SMG6: variants seen among roughly 807,000 people sequenced by gnomAD.
SMG6 encodes telomerase-binding protein EST1A.
Under a neutral mutation model 142.2 loss-of-function variants are expected in SMG6, and 66 were observed. That is an observed-to-expected ratio of 0.46 (90% CI 0.38 to 0.57). SMG6 has a LOEUF of 0.57. Ranked by LOEUF, SMG6 falls within the 20% of genes least tolerant of loss-of-function variation. The pLI is 0.00. For synonymous variants in SMG6, 779 were observed against 702.4 expected (o/e 1.11, Z -1.72); for missense variants, 1,793 against 1,832.0 (o/e 0.98, Z 0.39).
chr17:2,141,332 A>G (rs1018496089), intron 13 of SMG6, among the ~76,000 whole-genome samples: 5 of 152,254 alleles, frequency 3.3e-5, no homozygotes, highest in South Asian at 2.1e-4. Context: ...AATTTCAAGT[A>G]TAACTAAGGT....
chr17:2,297,289 T>C lies in SMG6; in HGVS notation c.2105A>G (p.Asp702Gly). ...GCGAATGGCAAGACCATCCATGTAG[T>C]CTTCCAGTTTGAACTTGTAAGTAAC... ...LQVTYKFKLE[D>G]YMDGLAIRSK... The change falls in exon 4 of 19, where the codon GAC becomes GGC. Residue 702 changes from aspartate to glycine, a missense_variant. This residue lies in a region of SMG6 where 1,597 missense variants were observed against 1,584.6 expected (regional missense o/e 1.01). Transcript: ENST00000263073. The C allele has an allele frequency of 6.2e-7, 1 of 1,613,738 alleles. No homozygotes were observed. Among genetic ancestry groups the C allele is most frequent in the Non-Finnish European group, 8.5e-7 (1 of 1,179,812 alleles).
At chr17:2,227,970 T>G (rs1437729556) in intron 10 of SMG6, among the ~76,000 whole-genome samples, 1 of 152,114 alleles carries the variant, frequency 6.6e-6, no homozygotes, top group Non-Finnish European at 1.5e-5. Flanking sequence ...CTCGCAAACA[T>G]ATGGAATAAA....
At chr17:2,117,073 G>C (rs573944993) in intron 13 of SMG6, among the ~76,000 whole-genome samples, 2 of 151,078 alleles carry the variant, frequency 1.3e-5, no homozygotes, top group African/African-American at 4.9e-5. Context: ...AATACTTCTA[G>C]ACAGTCACCA....
rs921835283 is a variant in SMG6 at position 2,087,200 on chromosome 17, A to G, written c.3358-1299T>C. The G allele has an allele frequency of 1.0e-5, 13 of 1,290,476 alleles. No individual in the cohort carries two copies. In the African/African-American group the frequency reaches 2.0e-4, roughly 20 times the overall value. 79.9% of individuals were successfully genotyped at this position (1,290,476 alleles called of 1,614,324 possible). A position where few individuals can be genotyped will look rare whatever the true frequency, so the allele number is the denominator to read the frequency against. ...CGTCACTGGCAAGAATTGTAAGGAC[A>G]AGCTGTGCACACAGTAGGCTCACAG... On this transcript the variant is annotated intron_variant, in intron 13 of 18. Transcript: ENST00000263073.
chr17:2,226,134 G>A (rs930720789), intron 10 of SMG6, among the ~76,000 whole-genome samples: 1 of 152,110 alleles, frequency 6.6e-6, no homozygotes, highest in Non-Finnish European at 1.5e-5. Flanking sequence ...AATTAGCTGG[G>A]TGTGGTGGCG....
chr17:2,138,666 A>G (rs1464907410), intron 13 of SMG6, among the ~76,000 whole-genome samples: 1 of 152,144 alleles, frequency 6.6e-6, no homozygotes, highest in African/African-American at 2.4e-5. Flanking sequence ...AAGAATAAGA[A>G]TGGAAACTTA....
chr17:2,073,178 G>C (rs1432584418), intron 15 of SMG6, among the ~76,000 whole-genome samples: 2 of 152,010 alleles, frequency 1.3e-5, no homozygotes, highest in African/African-American at 4.8e-5. Flanking sequence ...CTGCCTCTCA[G>C]ATTCAAGCGA....
intron 9 of SMG6, among the ~76,000 whole-genome samples, chr17:2,239,437 C>T (rs551047407): frequency 6.6e-6 from 1 of 151,976 alleles, no homozygotes; most frequent in South Asian, 2.1e-4. Flanking sequence ...TCTAAAGTGC[C>T]CAACAATAGA....
intron 13 of SMG6, among the ~76,000 whole-genome samples, chr17:2,102,629 G>A (rs1028111243): frequency 1.4e-5 from 2 of 144,800 alleles, no homozygotes; most frequent in Non-Finnish European, 1.5e-5. Flanking sequence ...CCTCAGCCTC[G>A]CAAAATGTTG....
At chr17:2,092,965 G>A (rs1049131618) in intron 13 of SMG6, among the ~76,000 whole-genome samples, 3 of 152,186 alleles carry the variant, frequency 2.0e-5, no homozygotes, top group African/African-American at 7.2e-5. Flanking sequence ...GGAGGCTGAG[G>A]CAGTGGATCA....
At chr17:2,066,923 G>T (rs1026511744) in intron 16 of SMG6, among the ~76,000 whole-genome samples, 3 of 152,240 alleles carry the variant, frequency 2.0e-5, no homozygotes, top group Non-Finnish European at 4.4e-5. Context: ...GGTCAGGTCT[G>T]CGGAGCACAG....
intron 8 of SMG6, among the ~76,000 whole-genome samples, chr17:2,258,004 G>T (rs2074223341): frequency 1.2e-5 from 1 of 85,080 alleles, no homozygotes; most frequent in Admixed American, 1.5e-4. Flanking sequence ...GCGAGACTCT[G>T]TCGCAAAAAA....
intron 10 of SMG6, among the ~76,000 whole-genome samples, chr17:2,231,099 T>G (rs750670023): frequency 2.0e-5 from 3 of 152,154 alleles, no homozygotes; most frequent in Non-Finnish European, 2.9e-5. Flanking sequence ...GATTAGGCAC[T>G]TCATACATTC....
intron 10 of SMG6, among the ~76,000 whole-genome samples, chr17:2,235,545 A>G (rs1210620069): frequency 1.3e-5 from 2 of 152,210 alleles, no homozygotes; most frequent in Non-Finnish European, 2.9e-5. Flanking sequence ...CACTCTGTCA[A>G]GAAACACCAG....
At chr17:2,178,256 A>G (rs551310740) in intron 12 of SMG6, among the ~76,000 whole-genome samples, 1 of 152,292 alleles carries the variant, frequency 6.6e-6, no homozygotes, top group South Asian at 2.1e-4. Context: ...TCTAGCAACA[A>G]TGTGTCATCC....
At chr17:2,266,791 T>C (rs1597743512) in intron 8 of SMG6, among the ~76,000 whole-genome samples, 3 of 152,170 alleles carry the variant, frequency 2.0e-5, no homozygotes, top group African/African-American at 2.4e-5. Context: ...TTTGAGAAAC[T>C]TGCACTCACT....
At chr17:2,128,357 T>C (rs2069974838) in intron 13 of SMG6, among the ~76,000 whole-genome samples, 1 of 152,238 alleles carries the variant, frequency 6.6e-6, no homozygotes, top group Non-Finnish European at 1.5e-5. Flanking sequence ...GCATTTCATG[T>C]GTTCAACAGC....
intron 8 of SMG6, among the ~76,000 whole-genome samples, chr17:2,264,590 G>T (rs750195947): frequency 1.8e-4 from 28 of 152,184 alleles, no homozygotes; most frequent in Non-Finnish European, 4.1e-4. Flanking sequence ...TAGGTGTCAA[G>T]CAACAAACGC....
rs142903822 is a variant in SMG6, at chr17:2,234,198, T to C, written c.2869+2294A>G. Among the ~76,000 whole-genome samples the C allele has an allele frequency of 2.0e-3, 307 of 152,288 alleles. 2 individuals carry two copies. The highest frequency in any genetic ancestry group is 6.6e-3 in the African/African-American group (274 of 41,566). Reference sequence around the variant, plus strand: ...CATCAGGGAACAACCGATTTCTTTCTCTGTACTCACCATCTTACCTTCCTT... The same window carrying C: ...CATCAGGGAACAACCGATTTCTTTCCCTGTACTCACCATCTTACCTTCCTT... On this transcript the variant is annotated intron_variant, in intron 10 of 18. Coordinates refer to ENST00000263073, the MANE Select transcript of SMG6 (RefSeq NM_017575.5).
Sources: allele counts gnomAD v4.1 joint callset (sites outside exome capture counted in the v4.1 genomes callset), GRCh38; gene constraint gnomAD v4.1.1; regional missense constraint gnomAD v4.1.1; transcripts MANE v1.5; gene names NCBI Gene and HGNC (gene_info 2026-07-23, HGNC 2026-07-21).